Variants in ACACB observed in about 807,000 individuals in gnomAD.
ACACB encodes acetyl-CoA carboxylase 2.
ACACB carries 209 observed loss-of-function variants against 278.8 expected under a neutral mutation model. That is an observed-to-expected ratio of 0.75 (90% CI 0.67 to 0.84). The LOEUF (loss-of-function observed/expected upper bound fraction) is 0.84, where lower values mean the gene tolerates loss of function less well. ACACB is among the 40% of genes least tolerant of loss of function. ACACB has a pLI of 0.00. For synonymous variants in ACACB, 1,174 were observed against 1,285.6 expected (o/e 0.91, Z 1.86); for missense variants, 2,850 against 3,269.0 (o/e 0.87, Z 3.13).
chr12:109,191,651 G>C lies in ACACB; in HGVS notation c.2183G>C (p.Gly728Ala), dbSNP rs2044887663. ...GCTTTGAAGGAACTGTCCATCCGAG[G>C]CGACTTTAGGACTACCGTGGAATAC... Reference protein sequence around the residue: ...VVALKELSIRGDFRTTVEYLI... With the variant: ...VVALKELSIRADFRTTVEYLI... Residue 728 changes from glycine to alanine, a missense_variant, in exon 14 of 53, where the codon GGC (glycine) becomes GCC (alanine). Physicochemically the swap from Gly to Ala is moderately conservative, Grantham distance 60. Transcript: ENST00000338432. 4 of 1,614,174 alleles carry C rather than the reference G, an allele frequency of 2.5e-6. No individual in the cohort carries two copies. The highest frequency in any genetic ancestry group is 3.4e-6 in the Non-Finnish European group (4 of 1,180,026).
intron 2 of ACACB, among the ~76,000 whole-genome samples, chr12:109,156,154 T>C (rs2043526345): frequency 6.6e-6 from 1 of 152,058 alleles, no homozygotes; most frequent in Admixed American, 6.6e-5. Flanking sequence ...TGCCCAGGAG[T>C]TGGAGGCTGC....
At position 109,139,577 on chromosome 12, in the gene ACACB, C is replaced by A. The variant is rs2043049659; in HGVS notation, c.172C>A (p.Pro58Thr). ...FPASDNSGET[P>T]QRNGEGHTLP... ...AGCCTCTGATAACTCAGGGGAGACA[C>A]CGCAGAGAAATGGGGAGGGCCACAC... The change falls in exon 2 of 53, where the codon CCG becomes ACG. Residue 58 changes from proline (P) to threonine (T), a missense_variant. Transcript: ENST00000338432. 2.5e-6 allele frequency: 4 copies of A among 1,614,102 alleles called. No individual in the cohort carries two copies. The highest frequency in any genetic ancestry group is 1.3e-5 in the African/African-American group (1 of 75,004).
intron 12 of ACACB, 52 bp downstream of exon 12, chr12:109,185,792 G>A (rs762286483): frequency 1.3e-6 from 2 of 1,541,798 alleles, no homozygotes; most frequent in Admixed American, 2.0e-5. Context: ...CCCAGCATGT[G>A]GGGGACCCTG....
Position 109,191,887 on chromosome 12 carries a change from C to A in ACACB, c.2336C>A (p.Ala779Asp), listed in dbSNP as rs1365496868. The A allele has an allele frequency of 3.1e-6, 5 of 1,614,132 alleles. No individual in the cohort carries two copies. The South Asian group carries it at 5.5e-5, about 18-fold the overall frequency. The change falls in exon 15 of 53, where the codon GCC becomes GAC. Residue 779 changes from alanine (A) to aspartate (D), a missense_variant. By Grantham distance (126) the Ala-to-Asp change is moderately radical. This residue lies in a region of ACACB where 2,265 missense variants were observed against 2,561.3 expected (regional missense o/e 0.88). Transcript: ENST00000338432. The part of the protein sequence containing the change: ...PDIMLGVVCG[A>D]LNVADAMFRT... The stretch of plus-strand genomic sequence containing the variant: ...ATCATGCTTGGGGTGGTATGCGGGG[C>A]CTTGAACGTGGCCGATGCGATGTTC...
At chr12:109,179,441 A>T in intron 10 of ACACB, 144 bp downstream of exon 10, 1 of 799,962 alleles carries the variant, frequency 1.3e-6, no homozygotes, top group East Asian at 2.7e-5. Flanking sequence ...AGGTGATTTC[A>T]GCATCACACA....
At chr12:109,210,188 CGTGTGT>C (rs753669357) in intron 21 of ACACB, among the ~76,000 whole-genome samples, 285 of 13,756 alleles carry the variant, frequency 0.021, 73 homozygotes, top group African/African-American at 0.073. Flanking sequence ...TATATACACA[CGTGTGT>C]ATATGTATAT....
At position 109,214,737 on chromosome 12, in the gene ACACB, C is replaced by A. The variant is rs138397266; in HGVS notation, c.3350+1801C>A. ...CGTCTACTTCCCCACAACTCAGTGG[C>A]GCATCTCCTGAGAAACTTGACTCCT... On this transcript the variant is annotated intron_variant, in intron 22 of 52. Transcript: ENST00000338432. 1.8e-3 allele frequency among the ~76,000 whole-genome samples: 274 copies of A among 152,268 alleles called. 3 individuals are homozygous for A. The highest frequency in any genetic ancestry group is 2.6e-3 in the Non-Finnish European group (175 of 68,028).
In ACACB at chr12:109,247,702, A is replaced by G; in HGVS notation, c.5668A>G (p.Arg1890Gly). 1 of 1,611,228 alleles carries G rather than the reference A, an allele frequency of 6.2e-7. No homozygotes were observed. Among genetic ancestry groups the G allele is most frequent in the Non-Finnish European group, 8.5e-7 (1 of 1,177,794 alleles). ...CKHIEEGGES[R>G]YMITDIIGKD... ...ACACATCGAGGAAGGAGGAGAGTCCAGGTAAATAACTTATCAGGTAGCTCC... is the reference window on the plus strand; with the variant it reads ...ACACATCGAGGAAGGAGGAGAGTCCGGGTAAATAACTTATCAGGTAGCTCC... Residue 1890 changes from arginine to glycine, a missense_variant and splice_region_variant, in exon 40 of 53, where the codon AGA becomes GGA. By Grantham distance (125) the Arg-to-Gly change is moderately radical (BLOSUM62 -2). Around this residue, in one of 3 missense-constraint regions of ACACB, gnomAD observed 2,265 missense variants for 2,561.3 expected, o/e 0.88. Transcript: ENST00000338432.
At chr12:109,194,093 T>C (rs1198104285) in intron 16 of ACACB, among the ~76,000 whole-genome samples, 2 of 152,200 alleles carry the variant, frequency 1.3e-5, no homozygotes, top group Non-Finnish European at 2.9e-5. Context: ...GGGCAGGATC[T>C]GTTCCGAGCC....
rs773800691 is a variant in ACACB at position 109,262,401 on chromosome 12, G to A, written c.6719G>A (p.Arg2240Gln). The change falls in exon 49 of 53, where the codon CGA becomes CAA. Residue 2240 changes from arginine to glutamine, a missense_variant. By Grantham distance (43) the Arg-to-Gln change is conservative (BLOSUM62 1). Transcript: ENST00000338432. ...GAGGGGACAGTGGAGATTAAGTTCC[G>A]AAAGAAAGATCTGATAAAGTCCATG... ...EPEGTVEIKF[R>Q]KKDLIKSMRR... The A allele has an allele frequency of 8.7e-6, 14 of 1,613,562 alleles. No homozygotes were observed. In the East Asian group the frequency reaches 8.9e-5, roughly 10 times the overall value.
In ACACB at chr12:109,216,901, A is replaced by C; in HGVS notation, c.3545A>C (p.Gln1182Pro). The change falls in exon 24 of 53, where the codon CAG (glutamine) becomes CCG (proline). Residue 1182 changes from glutamine to proline, a missense_variant. Transcript: ENST00000338432. ...CACGCACAGGTGGCCAAGAAGAACC[A>C]GCTGGTGATCATGTTGATCGTAAGC... ...FSHAQVAKKN[Q>P]LVIMLIDELC... 1 of 1,613,706 alleles carries C rather than the reference A, an allele frequency of 6.2e-7. No homozygotes were observed. Among genetic ancestry groups the C allele is most frequent in the Non-Finnish European group, 8.5e-7 (1 of 1,180,000 alleles).
intron 45 of ACACB, among the ~76,000 whole-genome samples, chr12:109,257,805 A>C (rs1482044986): frequency 6.6e-6 from 1 of 152,206 alleles, no homozygotes; most frequent in Non-Finnish European, 1.5e-5. Flanking sequence ...TCCTGGACTC[A>C]AGCAATCCTC....
chr12:109,118,020 G>A (rs1295410136), intron 1 of ACACB, among the ~76,000 whole-genome samples: 1 of 152,148 alleles, frequency 6.6e-6, no homozygotes, highest in African/African-American at 2.4e-5. Flanking sequence ...AGAGTGCTGG[G>A]ATTACAGGCA....
upstream of ACACB, among the ~76,000 whole-genome samples, chr12:109,112,052 TTC>T (rs2042306011): frequency 6.6e-6 from 1 of 151,924 alleles, no homozygotes. Flanking sequence ...CTTTTCACAC[TTC>T]TCTCTCTCCC....
At chr12:109,260,932 G>A (rs1337452355) in intron 48 of ACACB, among the ~76,000 whole-genome samples, 1 of 152,236 alleles carries the variant, frequency 6.6e-6, no homozygotes, top group Non-Finnish European at 1.5e-5. Flanking sequence ...TCTGAGCTAT[G>A]AGTTCCTATA....
intron 27 of ACACB, among the ~76,000 whole-genome samples, chr12:109,227,144 A>G (rs2046335606): frequency 6.6e-6 from 1 of 151,748 alleles, no homozygotes; most frequent in Non-Finnish European, 1.5e-5. Context: ...AGACATGGGG[A>G]TTTGCCATGT....
At chr12:109,240,985 A>T in intron 35 of ACACB, 93 bp from the exon 36 acceptor site, 1 of 1,295,718 alleles carries the variant, frequency 7.7e-7, no homozygotes, top group Non-Finnish European at 1.1e-6. Context: ...TTTTGCAGTC[A>T]GTATATCTCA....
chr12:109,233,678 G>C lies in ACACB; in HGVS notation c.4140-70G>C, dbSNP rs190636336. On this transcript the variant is annotated intron_variant, in intron 29 of 52. Transcript: ENST00000338432. The stretch of plus-strand genomic sequence containing the variant: ...AGGGTCTGGCGTTCCCTGCTGCCTG[G>C]CTTGGAAGCTTGACCTCATCCCCAT... 1,463 of 1,347,314 alleles carry C rather than the reference G, an allele frequency of 1.1e-3. 17 individuals carry two copies. Among genetic ancestry groups the C allele is most frequent in the Non-Finnish European group, 1.6e-4 (154 of 948,074 alleles). The allele number at this position is 1,347,314 out of a possible 1,614,324, so 83.5% of individuals were successfully genotyped here.
chr12:109,261,880 C>CAAAAAAAAAAAAAAA (rs757106164), intron 48 of ACACB, among the ~76,000 whole-genome samples: 1 of 86,030 alleles, frequency 1.2e-5, no homozygotes, highest in Non-Finnish European at 2.5e-5. Context: ...AAAAAAAAAA[C>CAAAAAAAAAAAAAAA]AAAAAAAAAA....
Sources: allele counts gnomAD v4.1 joint callset (sites outside exome capture counted in the v4.1 genomes callset), GRCh38; gene constraint gnomAD v4.1.1; regional missense constraint gnomAD v4.1.1; transcripts MANE v1.5; gene names NCBI Gene and HGNC (gene_info 2026-07-23, HGNC 2026-07-21).